NEO1: variants seen among roughly 807,000 people sequenced by gnomAD.
NEO1 encodes neogenin 1, also known as neogenin.
Under a neutral mutation model 159.7 loss-of-function variants are expected in NEO1, and 63 were observed. That is an observed-to-expected ratio of 0.39 (90% CI 0.32 to 0.49). The LOEUF is 0.49. NEO1 is among the 20% of genes least tolerant of loss of function. The pLI is 0.85. For synonymous variants in NEO1, 633 were observed against 662.0 expected (o/e 0.96, Z 0.67); for missense variants, 1,615 against 1,831.0 (o/e 0.88, Z 2.15).
At chr15:73,217,476 G>A (rs2037963984) in intron 7 of NEO1, among the ~76,000 whole-genome samples, 1 of 151,918 alleles carries the variant, frequency 6.6e-6, no homozygotes, top group South Asian at 2.1e-4. Flanking sequence ...GAAAGTCATT[G>A]GTAGCTTGAT....
At chr15:73,192,772 G>A (rs1385467826) in intron 7 of NEO1, among the ~76,000 whole-genome samples, 1 of 151,942 alleles carries the variant, frequency 6.6e-6, no homozygotes, top group Admixed American at 6.6e-5. Context: ...AGATATAAAT[G>A]TCTGTGTCCT....
At chr15:73,162,497 A>G (rs905185054) in intron 5 of NEO1, among the ~76,000 whole-genome samples, 10 of 152,004 alleles carry the variant, frequency 6.6e-5, no homozygotes, top group Admixed American at 4.6e-4. Flanking sequence ...GGTTCAAGCA[A>G]TTCTCATGCC....
At chr15:73,301,632 C>G (rs1033140227) in intron 28 of NEO1, 175 bp downstream of exon 28, 2 of 844,938 alleles carry the variant, frequency 2.4e-6, no homozygotes, top group African/African-American at 3.4e-5. Context: ...GAGCCGGGAA[C>G]TGTGCTGAGG....
At chr15:73,133,502 C>T (rs571001306) in intron 4 of NEO1, among the ~76,000 whole-genome samples, 10 of 152,236 alleles carry the variant, frequency 6.6e-5, no homozygotes, top group African/African-American at 2.4e-4. Flanking sequence ...CACTAAATAA[C>T]TTTTTCATGT....
At chr15:73,171,204 T>C (rs1482937402) in intron 5 of NEO1, among the ~76,000 whole-genome samples, 1 of 151,960 alleles carries the variant, frequency 6.6e-6, no homozygotes. Flanking sequence ...AAAAAAAACC[T>C]AAGAAACAAA....
intron 5 of NEO1, among the ~76,000 whole-genome samples, chr15:73,154,182 A>G (rs2033598221): frequency 6.6e-6 from 1 of 152,040 alleles, no homozygotes; most frequent in Non-Finnish European, 1.5e-5. Context: ...AAAGCTCAGG[A>G]CTTCTGATTC....
chr15:73,173,967 G>T (rs1487527679), intron 5 of NEO1, among the ~76,000 whole-genome samples: 1 of 151,906 alleles, frequency 6.6e-6, no homozygotes, highest in Non-Finnish European at 1.5e-5. Context: ...GGACGTGGTG[G>T]TGCACGTCTG....
intron 1 of NEO1, among the ~76,000 whole-genome samples, chr15:73,083,328 A>C (rs2069172874): frequency 6.6e-6 from 1 of 152,110 alleles, no homozygotes; most frequent in African/African-American, 2.4e-5. Flanking sequence ...TAGAATAGAC[A>C]AGACTTGGTG....
rs150045549 is a variant in NEO1 at position 73,150,899 on chromosome 15, T to C, written c.1015+14872T>C. The stretch of plus-strand genomic sequence containing the variant: ...TTCTTATAAAAGTAATCATGTTGTC[T>C]GTGTTTGTTTGTTTAAGGCTTCTTT... On this transcript the variant is annotated intron_variant, in intron 5 of 28. Coordinates refer to ENST00000261908, the MANE Select transcript of NEO1 (RefSeq NM_002499.4). 2.6e-3 allele frequency among the ~76,000 whole-genome samples: 399 copies of C among 152,368 alleles called. 2 individuals are homozygous for C. Among genetic ancestry groups the C allele is most frequent in the African/African-American group, 9.2e-3 (382 of 41,584 alleles).
At chr15:73,182,656 A>C (rs2035679713) in intron 7 of NEO1, among the ~76,000 whole-genome samples, 1 of 152,192 alleles carries the variant, frequency 6.6e-6, no homozygotes, top group African/African-American at 2.4e-5. Flanking sequence ...ATGGGAGTCA[A>C]GTGAAAGGGG....
intron 5 of NEO1, among the ~76,000 whole-genome samples, chr15:73,173,653 T>C (rs1208848883): frequency 6.6e-6 from 1 of 152,182 alleles, no homozygotes; most frequent in Non-Finnish European, 1.5e-5. Flanking sequence ...TTTTACCATA[T>C]GCAAACGTAA....
chr15:73,160,599 G>A (rs1399815727), intron 5 of NEO1, among the ~76,000 whole-genome samples: 1 of 152,080 alleles, frequency 6.6e-6, no homozygotes, highest in Non-Finnish European at 1.5e-5. Context: ...TCCCCTTGTT[G>A]GGTTTTATTA....
At chr15:73,072,216 G>A (rs2068571434) in intron 1 of NEO1, among the ~76,000 whole-genome samples, 1 of 151,938 alleles carries the variant, frequency 6.6e-6, no homozygotes, top group African/African-American at 2.4e-5. Flanking sequence ...TTCCCAAAGT[G>A]CTGGGATTAC....
chr15:73,241,984 G>A (rs1385511370), intron 8 of NEO1, among the ~76,000 whole-genome samples: 3 of 152,066 alleles, frequency 2.0e-5, no homozygotes, highest in African/African-American at 4.8e-5. Flanking sequence ...GCAGATTTTC[G>A]TTTATTCATT....
intron 8 of NEO1, among the ~76,000 whole-genome samples, chr15:73,238,423 T>A (rs1052418511): frequency 4.0e-5 from 6 of 151,872 alleles, no homozygotes; most frequent in Non-Finnish European, 4.4e-5. Flanking sequence ...TCAGTAAATA[T>A]TTATTAAGTT....
In NEO1 at chr15:73,270,206, C is replaced by G. The variant is rs1292001588; in HGVS notation, c.2691C>G (p.Thr897=). Reference sequence around the variant, plus strand: ...GATACTACACCGTCCGATGGAAAACCAACATCCCAGCAAACACCAAGTACA... The same window carrying G: ...GATACTACACCGTCCGATGGAAAACGAACATCCCAGCAAACACCAAGTACA... ...DSRYYTVRWK[T]NIPANTKYKN... The change falls in exon 17 of 29, where the codon ACC becomes ACG. Residue 897 remains threonine, a synonymous_variant. Transcript: ENST00000261908. 2 of 1,614,058 alleles carry G rather than the reference C, an allele frequency of 1.2e-6. No individual in the cohort carries two copies. The highest frequency in any genetic ancestry group is 2.7e-5 in the African/African-American group (2 of 74,922).
chr15:73,225,325 A>G (rs527561677), intron 7 of NEO1, among the ~76,000 whole-genome samples: 1 of 152,156 alleles, frequency 6.6e-6, no homozygotes, highest in East Asian at 1.9e-4. Flanking sequence ...CAGCTGTGGT[A>G]GTATAGAGAG....
At chr15:73,252,661 G>C (rs1464826996) in intron 11 of NEO1, among the ~76,000 whole-genome samples, 1 of 152,102 alleles carries the variant, frequency 6.6e-6, no homozygotes, top group East Asian at 1.9e-4. Context: ...CCTTAGACCT[G>C]GTTCCAGAAA....
intron 1 of NEO1, 55 bp downstream of exon 1, chr15:73,052,860 G>A (rs923412947): frequency 6.8e-5 from 18 of 265,098 alleles, no homozygotes; most frequent in Non-Finnish European, 3.0e-5. Flanking sequence ...CGGCTCAGGC[G>A]GCCGCGGCTG....
Sources: allele counts gnomAD v4.1 joint callset (sites outside exome capture counted in the v4.1 genomes callset), GRCh38; gene constraint gnomAD v4.1.1; transcripts MANE v1.5; gene names NCBI Gene and HGNC (gene_info 2026-07-23, HGNC 2026-07-21).